The following UNC79 variants were observed in gnomAD, a reference collection of about 807,000 sequenced individuals.
UNC79 encodes the protein protein unc-79 homolog.
In UNC79, 37 loss-of-function variants were observed where a neutral mutation model predicts 283.1. That is an observed-to-expected ratio of 0.13 (90% CI 0.10 to 0.17). UNC79 has a LOEUF of 0.17. UNC79 is among the 10% of genes least tolerant of loss of function. The pLI is 1.00. For missense variants in UNC79, 2,272 were observed against 3,211.1 expected (o/e 0.71, Z 7.07); for synonymous variants, 1,107 against 1,200.2 (o/e 0.92, Z 1.61).
chr14:93,598,161 CT>C (rs953141891), intron 24 of UNC79, among the ~76,000 whole-genome samples: 4 of 149,270 alleles, frequency 2.7e-5, no homozygotes, highest in Non-Finnish European at 3.0e-5. Flanking sequence ...TAATTTTTAA[CT>C]TTTTTTTTTG....
chr14:93,385,692 T>A (rs903972003), intron 1 of UNC79, among the ~76,000 whole-genome samples: 3 of 151,900 alleles, frequency 2.0e-5, no homozygotes, highest in Non-Finnish European at 4.4e-5. Flanking sequence ...GGCAGGAGAA[T>A]TGCTTGAACC....
intron 13 of UNC79, 88 bp from the exon 14 acceptor site, chr14:93,542,372 CTTTTTA>C: frequency 7.9e-7 from 1 of 1,268,298 alleles, no homozygotes; most frequent in Non-Finnish European, 1.1e-6. Flanking sequence ...TCTGGGATAT[CTTTTTA>C]TTTTTATTTT....
chr14:93,614,017 A>G lies in UNC79; in HGVS notation c.4041+934A>G, dbSNP rs80157740. ...TTTACATTTATCTATTAAAATTGCC[A>G]TTTTATCAAACATTTTCATGCACAG... On this transcript the variant is annotated intron_variant, in intron 27 of 48. Transcript: ENST00000555664. Among the ~76,000 whole-genome samples, 587 of 150,766 alleles carry G rather than the reference A, an allele frequency of 3.9e-3. 4 individuals carry two copies. Among genetic ancestry groups the G allele is most frequent in the African/African-American group, 0.014 (555 of 41,084 alleles).
chr14:93,703,290 G>A (rs1230816931), intron 47 of UNC79, among the ~76,000 whole-genome samples: 1 of 152,178 alleles, frequency 6.6e-6, no homozygotes, highest in African/African-American at 2.4e-5. Flanking sequence ...TGTATTCCCT[G>A]GAAGTTCTGG....
intron 30 of UNC79, among the ~76,000 whole-genome samples, chr14:93,626,127 A>G (rs900687547): frequency 2.6e-5 from 4 of 152,214 alleles, no homozygotes; most frequent in Admixed American, 2.6e-4. Context: ...GGGTCCTTCA[A>G]CCTGACAATC....
intron 22 of UNC79, among the ~76,000 whole-genome samples, chr14:93,592,800 G>A (rs1048088950): frequency 6.6e-6 from 1 of 152,188 alleles, no homozygotes; most frequent in Non-Finnish European, 1.5e-5. Flanking sequence ...TATTCCTGTA[G>A]AACTTGATAG....
chr14:93,438,555 G>A (rs2056178182), intron 1 of UNC79, among the ~76,000 whole-genome samples: 1 of 152,006 alleles, frequency 6.6e-6, no homozygotes, highest in African/African-American at 2.4e-5. Context: ...ATTTTAACTG[G>A]AGGCTAAAAT....
At chr14:93,371,663 A>G (rs1002972772) in intron 1 of UNC79, among the ~76,000 whole-genome samples, 1 of 151,826 alleles carries the variant, frequency 6.6e-6, no homozygotes, top group African/African-American at 2.4e-5. Context: ...ACATGGTGAA[A>G]CCCTGTTTCT....
intron 27 of UNC79, among the ~76,000 whole-genome samples, chr14:93,615,449 C>T (rs1002052367): frequency 6.6e-6 from 1 of 151,984 alleles, no homozygotes; most frequent in African/African-American, 2.4e-5. Context: ...CAAGGCTGGG[C>T]ATGGTGGCTC....
At chr14:93,364,539 T>A (rs1028551070) in intron 1 of UNC79, among the ~76,000 whole-genome samples, 2 of 111,808 alleles carry the variant, frequency 1.8e-5, no homozygotes, top group Admixed American at 1.1e-4. Flanking sequence ...GTGTTTTAGA[T>A]GTGGGAAATT....
intron 1 of UNC79, among the ~76,000 whole-genome samples, chr14:93,404,493 A>AAAAATATATAT: frequency 4.9e-5 from 3 of 61,494 alleles, no homozygotes; most frequent in African/African-American, 1.3e-4. Flanking sequence ...TTCTAAAAAA[A>AAAAATATATAT]ATATATATAT....
intron 40 of UNC79, among the ~76,000 whole-genome samples, chr14:93,671,714 G>A (rs1489147509): frequency 6.6e-6 from 1 of 152,158 alleles, no homozygotes; most frequent in East Asian, 1.9e-4. Flanking sequence ...AGAGGTTGCA[G>A]TGAGCTGAGA....
At chr14:93,447,037 A>G (rs1174524416) in intron 1 of UNC79, among the ~76,000 whole-genome samples, 1 of 151,888 alleles carries the variant, frequency 6.6e-6, no homozygotes, top group Non-Finnish European at 1.5e-5. Flanking sequence ...TTTTTGCTTC[A>G]TGTGTTTGGA....
At chr14:93,606,830 A>G (rs952299188) in intron 26 of UNC79, among the ~76,000 whole-genome samples, 11 of 152,208 alleles carry the variant, frequency 7.2e-5, no homozygotes, top group Admixed American at 2.0e-4. Flanking sequence ...ACATTTCTCT[A>G]TGACTTTTCA....
chr14:93,469,850 C>T (rs2140287866), intron 2 of UNC79, among the ~76,000 whole-genome samples: 1 of 152,086 alleles, frequency 6.6e-6, no homozygotes, highest in Admixed American at 6.5e-5. Flanking sequence ...CCACTGTACT[C>T]CAGCCTGGGT....
rs146061421 is a variant in UNC79 at position 93,521,186 on chromosome 14, G to T, written c.899-2792G>T. 5.9e-5 allele frequency among the ~76,000 whole-genome samples: 9 copies of T among 152,040 alleles called. No individual in the cohort carries two copies. The South Asian group carries it at 1.7e-3, about 28-fold the overall frequency. On this transcript the variant is annotated intron_variant, in intron 7 of 48. Coordinates refer to ENST00000555664, the Ensembl canonical transcript of UNC79. ...TGACCCTCCTAAAGTTTCTATGATT[G>T]CTCCAAGTATTTAGTGATTTCCCCC...
intron 6 of UNC79, among the ~76,000 whole-genome samples, chr14:93,496,911 GA>G: frequency 6.6e-6 from 1 of 152,260 alleles, no homozygotes; most frequent in East Asian, 1.9e-4. Context: ...CAATTTGTTA[GA>G]AGATAAAGTA....
chr14:93,572,876 T>C, intron 16 of UNC79, 60 bp downstream of exon 16: 1 of 1,583,576 alleles, frequency 6.3e-7, no homozygotes, highest in Non-Finnish European at 8.6e-7. Flanking sequence ...AAGCTTTAGA[T>C]CCCTGGATCG....
chr14:93,440,638 A>G (rs1353442519), intron 1 of UNC79, among the ~76,000 whole-genome samples: 1 of 151,110 alleles, frequency 6.6e-6, no homozygotes, highest in East Asian at 1.9e-4. Context: ...AGGCTTTATT[A>G]TAACTATTTT....
Sources: gnomAD v4.1 joint callset for allele counts (sites outside exome capture counted in the v4.1 genomes callset) on GRCh38, gnomAD v4.1.1 for gene constraint, MANE v1.5 for transcripts, NCBI Gene and HGNC (gene_info 2026-07-23, HGNC 2026-07-21) for gene names.